The following USH2A variants were observed in gnomAD, a reference collection of about 807,000 sequenced individuals.
USH2A encodes usherin, also known as Usher syndrome 2A (autosomal recessive, mild).
In USH2A, 443 loss-of-function variants were observed where a neutral mutation model predicts 538.9. The observed-to-expected ratio is 0.82, with a 90% CI of 0.76 to 0.89. The LOEUF (loss-of-function observed/expected upper bound fraction) is 0.89. USH2A is among the 40% of genes least tolerant of loss of function. USH2A has a pLI of 0.00. For synonymous variants in USH2A, 2,413 were observed against 2,273.5 expected (o/e 1.06, Z -1.75); for missense variants, 6,633 against 6,324.8 (o/e 1.05, Z -1.65).
intron 4 of USH2A, among the ~76,000 whole-genome samples, chr1:216,345,109 G>A (rs952075020): frequency 7.9e-5 from 12 of 151,836 alleles, no homozygotes; most frequent in Non-Finnish European, 1.8e-4. Context: ...TCTTTCTCTG[G>A]TATCCTTGAT....
chr1:215,843,312 A>C (rs547286366), intron 46 of USH2A, among the ~76,000 whole-genome samples: 1 of 152,314 alleles, frequency 6.6e-6, no homozygotes, highest in East Asian at 1.9e-4. Flanking sequence ...GTAAATTGCA[A>C]GCTTTCTCTA....
At chr1:215,706,340 C>T (rs1659183876) in intron 61 of USH2A, among the ~76,000 whole-genome samples, 1 of 152,072 alleles carries the variant, frequency 6.6e-6, no homozygotes, top group Non-Finnish European at 1.5e-5. Context: ...GTTCTTTGAC[C>T]TAGGCCTGCC....
chr1:216,223,675 C>T (rs2035504504), intron 14 of USH2A, among the ~76,000 whole-genome samples: 1 of 152,180 alleles, frequency 6.6e-6, no homozygotes, highest in Non-Finnish European at 1.5e-5. Context: ...CCCATTTACC[C>T]TGTCACCCCA....
intron 34 of USH2A, among the ~76,000 whole-genome samples, chr1:215,997,167 A>G (rs1256076669): frequency 6.6e-6 from 1 of 152,192 alleles, no homozygotes; most frequent in Non-Finnish European, 1.5e-5. Context: ...AGAGTTAAGT[A>G]AAAACCCTGT....
Position 215,674,135 on chromosome 1 carries a change from C to T in USH2A, c.13776G>A (p.Gln4592=), listed in dbSNP as rs1350039852. 2 of 1,613,992 alleles carry T rather than the reference C, an allele frequency of 1.2e-6. No individual in the cohort carries two copies. Among genetic ancestry groups the T allele is most frequent in the Non-Finnish European group, 8.5e-7 (1 of 1,180,016 alleles). The change falls in exon 63 of 72, where the codon CAG becomes CAA. Residue 4592 remains glutamine, a synonymous_variant. Transcript: ENST00000307340. ...GCTTCAGCTGGTTTACTATATATGA[C>T]TGCATACCAAAAGAATTATGAGTTG... The part of the protein sequence containing the change: ...INTTHNSFGM[Q]SYIVNQLKPF...
chr1:216,043,329 A>T (rs2030370512), intron 32 of USH2A, among the ~76,000 whole-genome samples: 1 of 152,044 alleles, frequency 6.6e-6, no homozygotes, highest in African/African-American at 2.4e-5. Flanking sequence ...CCCCTCCTTG[A>T]CCAGCATTGC....
intron 49 of USH2A, among the ~76,000 whole-genome samples, chr1:215,806,175 C>T (rs1662496118): frequency 6.6e-6 from 1 of 152,066 alleles, no homozygotes; most frequent in East Asian, 1.9e-4. Flanking sequence ...TTATCCCTTT[C>T]TAGGAATAAC....
chr1:215,829,485 C>T (rs1663251590), intron 47 of USH2A, among the ~76,000 whole-genome samples: 2 of 152,144 alleles, frequency 1.3e-5, no homozygotes, highest in Admixed American at 6.6e-5. Flanking sequence ...AAATGTATGG[C>T]TTCTTAGAAA....
intron 30 of USH2A, among the ~76,000 whole-genome samples, chr1:216,066,444 C>T (rs1005246170): frequency 1.3e-5 from 2 of 151,706 alleles, no homozygotes; most frequent in African/African-American, 2.4e-5. Flanking sequence ...ACAGCCTGGG[C>T]GACAGAGTGA....
Position 215,766,204 on chromosome 1 carries a change from C to T in USH2A, c.11047+477G>A, listed in dbSNP as rs115807394. Among the ~76,000 whole-genome samples the T allele has an allele frequency of 1.4e-3, 215 of 152,144 alleles. 3 individuals are homozygous for T. The highest frequency in any genetic ancestry group is 4.7e-3 in the African/African-American group (195 of 41,528). ...TCCATAAAGCCTTTTTTGATGTCAT[C>T]GATGGGTTTCTATCTCTTCCTCTTC... On this transcript the variant is annotated intron_variant, in intron 56 of 71. Transcript: ENST00000307340.
At chr1:216,245,420 T>C (rs2036017259) in intron 13 of USH2A, among the ~76,000 whole-genome samples, 1 of 146,898 alleles carries the variant, frequency 6.8e-6, no homozygotes, top group South Asian at 2.2e-4. Context: ...TCAGGGGACA[T>C]AGGGTGGCCA....
At chr1:215,930,256 TA>T (rs1309347700) in intron 38 of USH2A, among the ~76,000 whole-genome samples, 1 of 151,994 alleles carries the variant, frequency 6.6e-6, no homozygotes, top group Non-Finnish European at 1.5e-5. Context: ...AAACTTTCAT[TA>T]AAAATCTGTT....
rs375672488 is a variant in USH2A at position 216,237,776 on chromosome 1, G to A, written c.2810-5640C>T. Among the ~76,000 whole-genome samples the A allele has an allele frequency of 9.9e-5, 15 of 152,238 alleles. 1 individual carries two copies. The highest frequency in any genetic ancestry group is 3.9e-4 in the Admixed American group (6 of 15,286). ...CATCTTTGTAATTGTCAATTAGCAA[G>A]TTTTCTATGACAGAGAAATTTTTCT... On this transcript the variant is annotated intron_variant, in intron 13 of 71. Coordinates refer to ENST00000307340, the MANE Select transcript of USH2A (RefSeq NM_206933.4).
At chr1:216,123,637 A>G (rs576626366) in intron 21 of USH2A, among the ~76,000 whole-genome samples, 53 of 152,222 alleles carry the variant, frequency 3.5e-4, no homozygotes, top group African/African-American at 1.3e-3. Context: ...TGTTTCCCAC[A>G]TTATTTGTTT....
chr1:215,937,574 AGCAT>A (rs971387089), intron 37 of USH2A, among the ~76,000 whole-genome samples: 4 of 152,148 alleles, frequency 2.6e-5, no homozygotes, highest in African/African-American at 9.7e-5. Flanking sequence ...TTACATGGTC[AGCAT>A]GGGGAGATCT....
intron 9 of USH2A, among the ~76,000 whole-genome samples, chr1:216,300,471 T>C (rs1298401411): frequency 6.6e-6 from 1 of 152,226 alleles, no homozygotes; most frequent in African/African-American, 2.4e-5. Flanking sequence ...TCTTAAAGGC[T>C]ACTAATCAAC....
At chr1:215,825,800 T>G (rs1054134455) in intron 47 of USH2A, among the ~76,000 whole-genome samples, 11 of 152,314 alleles carry the variant, frequency 7.2e-5, no homozygotes, top group African/African-American at 1.4e-4. Context: ...ATTTAATTCT[T>G]TGCTTTCAAG....
intron 22 of USH2A, among the ~76,000 whole-genome samples, chr1:216,090,793 C>T (rs919157526): frequency 6.6e-6 from 1 of 152,080 alleles, no homozygotes; most frequent in African/African-American, 2.4e-5. Context: ...GCATGGGATG[C>T]TAATTGGGCG....
At chr1:216,236,797 A>G (rs1196453596) in intron 13 of USH2A, among the ~76,000 whole-genome samples, 1 of 152,152 alleles carries the variant, frequency 6.6e-6, no homozygotes, top group African/African-American at 2.4e-5. Context: ...CCCTAAAACT[A>G]TATCTTAGCT....
Sources: gnomAD v4.1 joint callset for allele counts (sites outside exome capture counted in the v4.1 genomes callset) on GRCh38, gnomAD v4.1.1 for gene constraint, MANE v1.5 for transcripts, NCBI Gene and HGNC (gene_info 2026-07-23, HGNC 2026-07-21) for gene names.